The following NBAS variants were observed in gnomAD, a reference collection of about 807,000 sequenced individuals.
The protein encoded by NBAS is NBAS subunit of NRZ tethering complex.
A neutral mutation model predicts 302.5 loss-of-function variants in NBAS; 219 were observed. The ratio of observed to expected loss-of-function variants is 0.72; its 90% confidence interval spans 0.65 to 0.81. The LOEUF (loss-of-function observed/expected upper bound fraction) is 0.81, where lower values mean the gene tolerates loss of function less well. Ranked by LOEUF, NBAS falls within the 30% of genes least tolerant of loss-of-function variation. The pLI is 0.00. For missense variants in NBAS, 2,932 were observed against 2,841.6 expected, an observed-to-expected ratio of 1.03 and a Z score of -0.72; for synonymous variants, 1,118 against 1,021.6, an observed-to-expected ratio of 1.09 and a Z score of -1.80.
At chr2:15,010,212 T>C in the NBAS span, among the ~76,000 whole-genome samples, 1 of 152,022 alleles carries the variant, frequency 6.6e-6, no homozygotes. Context: ...TAACACTAAT[T>C]AGCCCAGCAA....
At chr2:15,318,516 GTC>G (rs1172279869) in intron 38 of NBAS, among the ~76,000 whole-genome samples, 3 of 152,084 alleles carry the variant, frequency 2.0e-5, no homozygotes, top group East Asian at 3.8e-4. Flanking sequence ...CACGTGTAGA[GTC>G]ATACATAGCC....
At chr2:15,193,434 G>T (rs1379787042) in intron 48 of NBAS, among the ~76,000 whole-genome samples, 2 of 152,068 alleles carry the variant, frequency 1.3e-5, no homozygotes, top group Non-Finnish European at 2.9e-5. Flanking sequence ...ATGGACTTCA[G>T]CACATATTTT....
At chr2:15,490,851 A>C (rs1456688835) in intron 11 of NBAS, among the ~76,000 whole-genome samples, 1 of 152,194 alleles carries the variant, frequency 6.6e-6, no homozygotes, top group Non-Finnish European at 1.5e-5. Context: ...GGTCAAGTAT[A>C]ATTTATTGTT....
At chr2:14,988,078 C>T in the NBAS span, among the ~76,000 whole-genome samples, 1 of 152,094 alleles carries the variant, frequency 6.6e-6, no homozygotes, top group Non-Finnish European at 1.5e-5. Flanking sequence ...AAGTGTGAGC[C>T]AGCAGTGTTG....
intron 48 of NBAS, among the ~76,000 whole-genome samples, chr2:15,217,494 TA>T (rs1413838038): frequency 3.3e-5 from 5 of 152,260 alleles, no homozygotes; most frequent in African/African-American, 1.2e-4. Flanking sequence ...GATGTAGTAA[TA>T]ACCATATAAA....
intron 10 of NBAS, among the ~76,000 whole-genome samples, chr2:15,505,375 C>A (rs571090580): frequency 6.6e-6 from 1 of 152,188 alleles, no homozygotes; most frequent in South Asian, 2.1e-4. Flanking sequence ...GGGAAGGGAC[C>A]TAAGTGTGGG....
At chr2:15,475,607 G>A (rs1680154273) in intron 14 of NBAS, 80 bp downstream of exon 14, 4 of 1,316,522 alleles carry the variant, frequency 3.0e-6, no homozygotes, top group Non-Finnish European at 4.3e-6. Context: ...AAGATAATAA[G>A]ACAACTCAAA....
chr2:15,353,744 AAAG>A (rs745856990), intron 33 of NBAS, 34 bp from the exon 34 acceptor site: 11 of 1,613,586 alleles, frequency 6.8e-6, no homozygotes, highest in Admixed American at 5.0e-5. Flanking sequence ...ATGATTCCCA[AAAG>A]AAGAAGAATA....
the NBAS span, among the ~76,000 whole-genome samples, chr2:14,787,208 C>T: frequency 6.6e-6 from 1 of 152,066 alleles, no homozygotes; most frequent in Non-Finnish European, 1.5e-5. Context: ...TTTGAGCCTA[C>T]ATGTGTCTCT....
the NBAS span, among the ~76,000 whole-genome samples, chr2:15,068,605 G>A: frequency 6.6e-6 from 1 of 152,102 alleles, no homozygotes; most frequent in African/African-American, 2.4e-5. Flanking sequence ...TTAATTGGCA[G>A]TTTTAATAAA....
At chr2:14,916,190 G>A in the NBAS span, among the ~76,000 whole-genome samples, 419 of 151,986 alleles carry the variant, frequency 2.8e-3, 4 homozygotes, top group Middle Eastern at 0.017. Context: ...AATGTGTTTC[G>A]TCTCTGCTGC....
the NBAS span, among the ~76,000 whole-genome samples, chr2:14,896,247 A>C: frequency 6.6e-6 from 1 of 152,022 alleles, no homozygotes; most frequent in East Asian, 1.9e-4. Context: ...CTTTGCCCTC[A>C]AAATATTAGA....
chr2:15,330,462 G>C, intron 36 of NBAS, 136 bp downstream of exon 36: 1 of 1,109,824 alleles, frequency 9.0e-7, no homozygotes. Flanking sequence ...TATCTGATGA[G>C]AGGCCTACAT....
chr2:15,543,470 C>T (rs1558427190), intron 6 of NBAS, among the ~76,000 whole-genome samples: 4 of 152,256 alleles, frequency 2.6e-5, no homozygotes, highest in South Asian at 2.1e-4. Context: ...TATATCAGTC[C>T]GTTTTCATGC....
chr2:15,320,649 T>C (rs954775951), intron 38 of NBAS, among the ~76,000 whole-genome samples: 9 of 152,174 alleles, frequency 5.9e-5, no homozygotes, highest in Non-Finnish European at 1.0e-4. Context: ...CCATTCACAA[T>C]TGCTACAAAG....
intron 41 of NBAS, 51 bp downstream of exon 41, chr2:15,292,486 T>C (rs373387761): frequency 1.5e-5 from 23 of 1,571,372 alleles, no homozygotes; most frequent in Non-Finnish European, 1.7e-5. Context: ...ACTGAACTTA[T>C]TCTTTTGCAG....
chr2:15,338,758 C>T (rs1175171732), intron 35 of NBAS, among the ~76,000 whole-genome samples: 1 of 151,554 alleles, frequency 6.6e-6, no homozygotes, highest in Admixed American at 6.6e-5. Context: ...GCCTGTAATC[C>T]CAACACTTTG....
the NBAS span, among the ~76,000 whole-genome samples, chr2:14,985,770 A>G: frequency 2.0e-5 from 3 of 152,212 alleles, no homozygotes; most frequent in Non-Finnish European, 4.4e-5. Context: ...TCCACTTTGA[A>G]TTTCTGAATC....
At chr2:15,020,512 G>A in the NBAS span, among the ~76,000 whole-genome samples, 3 of 152,170 alleles carry the variant, frequency 2.0e-5, no homozygotes, top group Non-Finnish European at 4.4e-5. Flanking sequence ...ATCCTGAATG[G>A]CTCAAGATCC....
Sources: gnomAD v4.1 joint callset for allele counts (sites outside exome capture counted in the v4.1 genomes callset) on GRCh38, gnomAD v4.1.1 for gene constraint, MANE v1.5 for transcripts, NCBI Gene and HGNC (gene_info 2026-07-23, HGNC 2026-07-21) for gene names.